Variants in KCTD8 observed in about 807,000 individuals in gnomAD.
KCTD8 encodes the protein BTB/POZ domain-containing protein KCTD8.
KCTD8 carries 27 observed loss-of-function variants against 31.5 expected under a neutral mutation model. That is an observed-to-expected ratio of 0.86 (90% CI 0.63 to 1.18). The LOEUF is 1.18. Among genes scored for constraint, KCTD8 ranks in the 50% most tolerant of loss-of-function variants. The probability of loss-of-function intolerance (pLI) is 0.00; values close to 1 mark genes in which losing one functional copy is unlikely to be tolerated. For missense variants in KCTD8, 658 were observed against 647.7 expected (o/e 1.02, Z -0.17); for synonymous variants, 290 against 280.0 (o/e 1.04, Z -0.36).
At chr4:44,213,788 C>T (rs1042138494) in intron 1 of KCTD8, among the ~76,000 whole-genome samples, 18 of 152,052 alleles carry the variant, frequency 1.2e-4, no homozygotes, top group African/African-American at 4.1e-4. Context: ...GGACATACAA[C>T]CCAAAATATG....
chr4:44,309,543 T>G (rs1259053887), intron 1 of KCTD8, among the ~76,000 whole-genome samples: 1 of 152,196 alleles, frequency 6.6e-6, no homozygotes, highest in African/African-American at 2.4e-5. Context: ...CTATGCTTAA[T>G]TCTCTTTTAC....
chr4:44,404,862 A>T (rs1720746978), intron 1 of KCTD8, among the ~76,000 whole-genome samples: 1 of 152,182 alleles, frequency 6.6e-6, no homozygotes, highest in Admixed American at 6.5e-5. Context: ...AATACTGACA[A>T]GAATTTAGGT....
chr4:44,263,670 T>G (rs949143620), intron 1 of KCTD8, among the ~76,000 whole-genome samples: 4 of 152,148 alleles, frequency 2.6e-5, no homozygotes, highest in African/African-American at 9.7e-5. Context: ...TTTTAAAATA[T>G]GGAAAGCTGT....
At chr4:44,294,246 G>A (rs1288186932) in intron 1 of KCTD8, among the ~76,000 whole-genome samples, 1 of 152,022 alleles carries the variant, frequency 6.6e-6, no homozygotes, top group East Asian at 1.9e-4. Context: ...TTGTCCTGTG[G>A]TAACGCAGAA....
chr4:44,176,544 C>A (rs569835580), intron 1 of KCTD8, among the ~76,000 whole-genome samples: 2 of 152,158 alleles, frequency 1.3e-5, no homozygotes, highest in African/African-American at 4.8e-5. Flanking sequence ...AAAACCTTTT[C>A]TTAAAAGCAG....
chr4:44,200,928 G>A (rs1363124361), intron 1 of KCTD8, among the ~76,000 whole-genome samples: 5 of 151,848 alleles, frequency 3.3e-5, no homozygotes, highest in South Asian at 4.1e-4. Context: ...CTGCCAAAAG[G>A]CTCCTGAAAC....
intron 1 of KCTD8, among the ~76,000 whole-genome samples, chr4:44,182,905 A>T (rs1713471764): frequency 6.6e-6 from 1 of 152,254 alleles, no homozygotes; most frequent in African/African-American, 2.4e-5. Context: ...AGCTAGGATT[A>T]AATTACCTAA....
intron 1 of KCTD8, among the ~76,000 whole-genome samples, chr4:44,238,849 T>C (rs1413692914): frequency 6.6e-6 from 1 of 152,174 alleles, no homozygotes; most frequent in Non-Finnish European, 1.5e-5. Context: ...ACTTTAACTA[T>C]CAAGATGATC....
chr4:44,267,146 A>C (rs1206008682), intron 1 of KCTD8, among the ~76,000 whole-genome samples: 11 of 152,180 alleles, frequency 7.2e-5, no homozygotes, highest in Non-Finnish European at 1.3e-4. Flanking sequence ...ACTTGGAAGT[A>C]AAGCTCTCCT....
chr4:44,275,702 A>G (rs1424699543), intron 1 of KCTD8, among the ~76,000 whole-genome samples: 1 of 152,058 alleles, frequency 6.6e-6, no homozygotes, highest in Non-Finnish European at 1.5e-5. Context: ...TTTCTTGTAC[A>G]TCGTGGTGGG....
intron 1 of KCTD8, among the ~76,000 whole-genome samples, chr4:44,235,587 A>T (rs1228818090): frequency 7.4e-6 from 1 of 134,364 alleles, no homozygotes; most frequent in African/African-American, 2.7e-5. Flanking sequence ...TTAGAGAGAG[A>T]GAGAGAGAGA....
At chr4:44,184,932 C>G (rs1713534380) in intron 1 of KCTD8, among the ~76,000 whole-genome samples, 1 of 152,076 alleles carries the variant, frequency 6.6e-6, no homozygotes, top group Admixed American at 6.6e-5. Flanking sequence ...GTTCAGGAGG[C>G]TGATTTGTAT....
chr4:44,324,011 T>C (rs1327804082), intron 1 of KCTD8, among the ~76,000 whole-genome samples: 2 of 144,616 alleles, frequency 1.4e-5, no homozygotes, highest in East Asian at 4.0e-4. Context: ...ACCTGCACAA[T>C]GTGCATATGT....
intron 1 of KCTD8, among the ~76,000 whole-genome samples, chr4:44,177,370 C>T (rs922963248): frequency 6.6e-6 from 1 of 152,092 alleles, no homozygotes; most frequent in Admixed American, 6.6e-5. Flanking sequence ...CTCCCTCTCC[C>T]TTCTCTTCTC....
intron 1 of KCTD8, among the ~76,000 whole-genome samples, chr4:44,226,926 A>G (rs1306749574): frequency 6.6e-6 from 1 of 150,578 alleles, no homozygotes; most frequent in Non-Finnish European, 1.5e-5. Context: ...TTCCTTGTAG[A>G]TTCTGGATAT....
intron 1 of KCTD8, among the ~76,000 whole-genome samples, chr4:44,273,331 C>T (rs1373294619): frequency 6.6e-6 from 1 of 151,630 alleles, no homozygotes; most frequent in East Asian, 1.9e-4. Flanking sequence ...AATTTACAGC[C>T]AAAAATGCAT....
chr4:44,403,205 T>C (rs922487422), intron 1 of KCTD8, among the ~76,000 whole-genome samples: 34 of 151,994 alleles, frequency 2.2e-4, no homozygotes, highest in African/African-American at 7.2e-4. Context: ...AAAATAGAAT[T>C]TGTCAAAATT....
chr4:44,372,190 G>C (rs1382593157), intron 1 of KCTD8, among the ~76,000 whole-genome samples: 1 of 151,866 alleles, frequency 6.6e-6, no homozygotes, highest in African/African-American at 2.4e-5. Flanking sequence ...TACTATCCAG[G>C]GGCTGACATT....
chr4:44,363,473 G>A (rs1381498928), intron 1 of KCTD8, among the ~76,000 whole-genome samples: 1 of 152,138 alleles, frequency 6.6e-6, no homozygotes, highest in Non-Finnish European at 1.5e-5. Flanking sequence ...AGCCAACAAA[G>A]ACAAGGATCA....
Sources: gnomAD v4.1 joint callset for allele counts (sites outside exome capture counted in the v4.1 genomes callset) on GRCh38, gnomAD v4.1.1 for gene constraint, MANE v1.5 for transcripts, NCBI Gene and HGNC (gene_info 2026-07-23, HGNC 2026-07-21) for gene names.